The following SF1 variants were observed in gnomAD, a reference collection of about 807,000 sequenced individuals.
The protein encoded by SF1 is branch point-binding protein.
Under a neutral mutation model 62.5 loss-of-function variants are expected in SF1, and 7 were observed. The observed-to-expected ratio is 0.11, with a 90% CI of 0.06 to 0.21. SF1 has a LOEUF of 0.21. SF1 is among the 10% of genes least tolerant of loss of function. SF1 has a pLI of 1.00. For missense variants in SF1, 578 were observed against 884.0 expected (o/e 0.65, Z 4.39); for synonymous variants, 394 against 323.6 (o/e 1.22, Z -2.33).
Position 64,770,372 on chromosome 11 carries a change from C to T in SF1, c.273G>A (p.Gly91=), listed in dbSNP as rs1346460161. The change falls in exon 4 of 13, where the codon GGG becomes GGA. Residue 91 remains glycine, a synonymous_variant. Coordinates refer to ENST00000377390, the MANE Select transcript of SF1 (RefSeq NM_004630.4). ...GGAACTCTCGGGTGTTAAGCCGCTT[C>T]CCCTCGCTATTGTAGATGGGCTCAG... ...PSPEPIYNSE[G]KRLNTREFRT... 3 of 1,614,004 alleles carry T rather than the reference C, an allele frequency of 1.9e-6. No individual in the cohort carries two copies. The African/African-American group carries it at 4.0e-5, about 22-fold the overall frequency.
chr11:64,769,744 C>T (rs1565566939), intron 5 of SF1, 135 bp from the exon 6 acceptor site: 6 of 870,078 alleles, frequency 6.9e-6, no homozygotes, highest in Non-Finnish European at 1.8e-6. Flanking sequence ...GCTCCATGAA[C>T]TCTATATTAT....
intron 12 of SF1, 25 bp downstream of exon 12, chr11:64,766,875 C>T (rs372572987): frequency 7.3e-7 from 1 of 1,377,660 alleles, no homozygotes; most frequent in Non-Finnish European, 9.5e-7. Context: ...CACCCACCCC[C>T]ACAAGCCCAA....
At position 64,778,349 on chromosome 11, in the gene SF1, G is replaced by A; in HGVS notation, c.31+13C>T. 1 of 1,227,378 alleles carries A rather than the reference G, an allele frequency of 8.1e-7. No individual in the cohort carries two copies. Among genetic ancestry groups the A allele is most frequent in the Non-Finnish European group, 1.0e-6 (1 of 984,302 alleles). The allele number at this position is 1,227,378 out of a possible 1,614,324, so 76.0% of individuals were successfully genotyped here. A position where few individuals can be genotyped will look rare whatever the true frequency, so the allele number is the denominator to read the frequency against. The stretch of plus-strand genomic sequence containing the variant: ...CCCGGGGAGCGGGGGCAGCCCGGGG[G>A]GGCCCAGCTTACCCAACGGCGTGGC... On this transcript the variant is annotated intron_variant, in intron 1 of 12. Transcript: ENST00000377390.
intron 1 of SF1, chr11:64,777,824 C>T: frequency 1.0e-6 from 1 of 959,144 alleles, no homozygotes. Context: ...CACTCGAGGC[C>T]CTAGAACCAG....
At chr11:64,770,130 G>T in intron 4 of SF1, 77 bp from the exon 5 acceptor site, 1 of 1,543,714 alleles carries the variant, frequency 6.5e-7, no homozygotes, top group Non-Finnish European at 9.0e-7. Context: ...ACCAAATATT[G>T]GTACCAAGTG....
chr11:64,774,566 C>T (rs1229723957), intron 2 of SF1, among the ~76,000 whole-genome samples: 4 of 152,168 alleles, frequency 2.6e-5, no homozygotes, highest in Non-Finnish European at 5.9e-5. Context: ...AGGATTAATG[C>T]GTGTCTAACC....
At position 64,767,639 on chromosome 11, in the gene SF1, A is replaced by G. The variant is rs1565559298; in HGVS notation, c.1274T>C (p.Met425Thr). ...HNPNGPPPPWMQPPPPPMNQG... is the reference protein window; with the variant it reads ...HNPNGPPPPWTQPPPPPMNQG... ...GTTCATCGGTGGTGGTGGTGGCTGCATCCAAGGGGGTGGGGGTCCATTGGG... is the reference window on the plus strand; with the variant it reads ...GTTCATCGGTGGTGGTGGTGGCTGCGTCCAAGGGGGTGGGGGTCCATTGGG... Residue 425 changes from methionine (M) to threonine (T), a missense_variant, in exon 10 of 13, where the codon ATG becomes ACG. Transcript: ENST00000377390. 3 of 1,595,644 alleles carry G rather than the reference A, an allele frequency of 1.9e-6. No individual in the cohort carries two copies. Among genetic ancestry groups the G allele is most frequent in the Admixed American group, 1.8e-5 (1 of 55,622 alleles).
chr11:64,774,779 G>C (rs762644321), intron 2 of SF1, among the ~76,000 whole-genome samples: 9 of 152,076 alleles, frequency 5.9e-5, no homozygotes, highest in Non-Finnish European at 1.0e-4. Flanking sequence ...CCAACATGGT[G>C]AAACCCCGTC....
intron 2 of SF1, among the ~76,000 whole-genome samples, chr11:64,775,418 A>G (rs879693818): frequency 2.0e-5 from 3 of 152,202 alleles, no homozygotes; most frequent in African/African-American, 7.2e-5. Context: ...CTAGTCTAAT[A>G]TGAGACACAA....
intron 3 of SF1, chr11:64,772,252 G>A (rs760978092): frequency 2.4e-5 from 24 of 983,944 alleles, no homozygotes; most frequent in Middle Eastern, 5.2e-4. Context: ...GTGACCTGTA[G>A]ACATATTATT....
rs776688268 is a variant in SF1 at position 64,770,395 on chromosome 11, C to G, written c.250G>C (p.Glu84Gln). 6.2e-7 allele frequency: 1 copy of G among 1,613,130 alleles called. No individual in the cohort carries two copies. The highest frequency in any genetic ancestry group is 8.5e-7 in the Non-Finnish European group (1 of 1,179,178). The change falls in exon 4 of 13, where the codon GAG becomes CAG. Residue 84 changes from glutamate (E) to glutamine (Q), a missense_variant. This residue lies in a region of SF1 where 68 missense variants were observed against 170.7 expected (regional missense o/e 0.40). Coordinates refer to ENST00000377390, the MANE Select transcript of SF1 (RefSeq NM_004630.4). ...PNPEDRSPSPEPIYNSEGKRL... is the reference protein window; with the variant it reads ...PNPEDRSPSPQPIYNSEGKRL... ...TTCCCCTCGCTATTGTAGATGGGCT[C>G]AGGGGAAGGGGACCTGTGGGAAACA...
In SF1 at chr11:64,771,736, A is replaced by C. The variant is rs1049399837; in HGVS notation, c.237-1328T>G. 6.1e-6 allele frequency: 6 copies of C among 985,324 alleles called. No homozygotes were observed. The African/African-American group carries it at 8.7e-5, about 14-fold the overall frequency. The allele number at this position is 985,324 out of a possible 1,614,324, so 61.0% of individuals were successfully genotyped here. A position where few individuals can be genotyped will look rare whatever the true frequency, so the allele number is the denominator to read the frequency against. Reference sequence around the variant, plus strand: ...CTTATACATTTAAGTCTACAAGAAAAGTTTTAAACATGTTTTTACTGTGCA... The same window carrying C: ...CTTATACATTTAAGTCTACAAGAAACGTTTTAAACATGTTTTTACTGTGCA... On this transcript the variant is annotated intron_variant, in intron 3 of 12. Coordinates refer to ENST00000377390, the MANE Select transcript of SF1 (RefSeq NM_004630.4).
intron 2 of SF1, chr11:64,776,042 T>TTC (rs1555147908): frequency 0.15 from 22,767 of 156,608 alleles, 2,041 homozygotes; most frequent in East Asian, 0.37. Context: ...CATTTTTTTT[T>TTC]TTTCAGAAAG....
intron 12 of SF1, 45 bp downstream of exon 12, chr11:64,766,855 A>ACCCGC: frequency 1.9e-6 from 1 of 528,762 alleles, no homozygotes; most frequent in Non-Finnish European, 3.4e-6. Flanking sequence ...TGTCAGCCCC[A>ACCCGC]CCCCCATCCC....
At position 64,765,446 on chromosome 11, in the gene SF1, T is replaced by G. The variant is rs768439817; in HGVS notation, c.*372A>C. On this transcript the variant is annotated 3_prime_UTR_variant, in exon 13 of 13. Coordinates refer to ENST00000377390, the MANE Select transcript of SF1 (RefSeq NM_004630.4). ...AGGGGCGTTGCTGAGGCTGTCTGCC[T>G]GGAAGGGTCACCAATGGGCGCGGAA... The G allele has an allele frequency of 6.2e-7, 1 of 1,606,538 alleles. No individual in the cohort carries two copies. Among genetic ancestry groups the G allele is most frequent in the South Asian group, 1.1e-5 (1 of 90,876 alleles).
intron 2 of SF1, among the ~76,000 whole-genome samples, chr11:64,775,028 A>T (rs1304631222): frequency 6.6e-6 from 1 of 152,088 alleles, no homozygotes; most frequent in Non-Finnish European, 1.5e-5. Flanking sequence ...GGAGACAGAA[A>T]AGTAGTAAGA....
chr11:64,765,493 GGCCATCGCCGCC>G lies in SF1; in HGVS notation c.*313_*324del. ...GGAAAGTCCTCACTCTCATGGCTCG[GGCCATCGCCGCC>G]GCGGGGAGGGATCCTGGCGGCCCGG... On this transcript the variant is annotated 3_prime_UTR_variant, in exon 13 of 13. Coordinates refer to ENST00000377390, the MANE Select transcript of SF1 (RefSeq NM_004630.4). 1 of 1,612,254 alleles carries G rather than the reference GGCCATCGCCGCC, an allele frequency of 6.2e-7. No homozygotes were observed. Among genetic ancestry groups the G allele is most frequent in the Non-Finnish European group, 8.5e-7 (1 of 1,179,340 alleles).
intron 12 of SF1, 170 bp downstream of exon 12, chr11:64,766,730 C>G: frequency 2.0e-6 from 1 of 504,486 alleles, no homozygotes; most frequent in Non-Finnish European, 3.4e-6. Flanking sequence ...CAGCTCTCCT[C>G]TTCAAGATGC....
intron 3 of SF1, chr11:64,773,104 A>T: frequency 3.4e-6 from 4 of 1,166,404 alleles, no homozygotes; most frequent in Non-Finnish European, 4.2e-6. Context: ...TGGCCAAAGC[A>T]GGTACTGAAA....
Sources: allele counts gnomAD v4.1 joint callset (sites outside exome capture counted in the v4.1 genomes callset), GRCh38; gene constraint gnomAD v4.1.1; regional missense constraint gnomAD v4.1.1; transcripts MANE v1.5; gene names NCBI Gene and HGNC (gene_info 2026-07-23, HGNC 2026-07-21).